The following ZCCHC7 variants were observed in gnomAD, a reference collection of about 807,000 sequenced individuals.
ZCCHC7 encodes the protein zinc finger CCHC domain-containing protein 7.
A neutral mutation model predicts 52.0 loss-of-function variants in ZCCHC7; 35 were observed. That is an observed-to-expected ratio of 0.67 (90% CI 0.51 to 0.89). ZCCHC7 has a LOEUF of 0.89. ZCCHC7 is among the 40% of genes least tolerant of loss of function. The probability of loss-of-function intolerance (pLI) is 0.00; values close to 1 mark genes in which losing one functional copy is unlikely to be tolerated. For missense variants in ZCCHC7, 574 were observed against 649.1 expected (o/e 0.88, Z 1.26); for synonymous variants, 217 against 221.5 (o/e 0.98, Z 0.18).
At position 37,126,119 on chromosome 9, in the gene ZCCHC7, G is replaced by A. The variant is rs73646324; in HGVS notation, c.-21-193G>A. On this transcript the variant is annotated intron_variant, in intron 1 of 8. Coordinates refer to ENST00000336755, the MANE Select transcript of ZCCHC7 (RefSeq NM_032226.3). ...CAATTTGTCAGTAGTAATTCTCGTTGGGGAGTGGTGGGACTTACAGGAGTG... is the reference window on the plus strand; with the variant it reads ...CAATTTGTCAGTAGTAATTCTCGTTAGGGAGTGGTGGGACTTACAGGAGTG... Among the ~76,000 whole-genome samples the A allele has an allele frequency of 6.4e-3, 971 of 152,268 alleles. 6 individuals carry two copies. The highest frequency in any genetic ancestry group is 0.022 in the African/African-American group (919 of 41,532).
Position 37,358,041 on chromosome 9 carries a change from A to G in ZCCHC7, c.*773A>G, listed in dbSNP as rs1469379087. 6.6e-6 allele frequency: 1 copy of G among 152,036 alleles called. No homozygotes were observed. The highest frequency in any genetic ancestry group is 2.4e-5 in the African/African-American group (1 of 41,392). 9.4% of individuals were successfully genotyped at this position (152,036 alleles called of 1,614,324 possible). ...TCAAAAAATTTTTTTGTTCTCTTGCATTTTTTTCAACTACCGCAAAGCTAT... is the reference window on the plus strand; with the variant it reads ...TCAAAAAATTTTTTTGTTCTCTTGCGTTTTTTTCAACTACCGCAAAGCTAT... On this transcript the variant is annotated 3_prime_UTR_variant, in exon 9 of 9. Transcript: ENST00000336755.
At chr9:37,300,990 C>CT (rs918122120) in intron 2 of ZCCHC7, among the ~76,000 whole-genome samples, 5 of 151,892 alleles carry the variant, frequency 3.3e-5, no homozygotes, top group African/African-American at 4.8e-5. Flanking sequence ...ATTTGGCCTC[C>CT]TTTTTTTTCT....
At chr9:37,147,094 A>C (rs1399556566) in intron 2 of ZCCHC7, among the ~76,000 whole-genome samples, 1 of 151,932 alleles carries the variant, frequency 6.6e-6, no homozygotes. Flanking sequence ...TTTCTATAGT[A>C]TCTTTCATAT....
intron 5 of ZCCHC7, among the ~76,000 whole-genome samples, chr9:37,307,112 G>A (rs944578550): frequency 6.6e-6 from 1 of 151,624 alleles, no homozygotes; most frequent in South Asian, 2.1e-4. Context: ...TGATTTTGCT[G>A]GTCTAATAGT....
At chr9:37,177,673 C>T (rs1209920520) in intron 2 of ZCCHC7, among the ~76,000 whole-genome samples, 1 of 152,084 alleles carries the variant, frequency 6.6e-6, no homozygotes, top group Non-Finnish European at 1.5e-5. Context: ...AAAGATCAGT[C>T]ACATTGATAG....
At chr9:37,268,061 C>T (rs1453655438) in intron 2 of ZCCHC7, among the ~76,000 whole-genome samples, 1 of 152,122 alleles carries the variant, frequency 6.6e-6, no homozygotes, top group Non-Finnish European at 1.5e-5. Context: ...TCTCTAAGCC[C>T]TATTAGCATT....
chr9:37,283,361 T>G (rs929503067), intron 2 of ZCCHC7, among the ~76,000 whole-genome samples: 1 of 152,174 alleles, frequency 6.6e-6, no homozygotes, highest in African/African-American at 2.4e-5. Context: ...TTTCTGTATT[T>G]TTGCTCCATA....
rs1469559352 is a variant in ZCCHC7, at chr9:37,357,277, G to A, written c.*9G>A. ...GAAAAAAAAAGTCTTAAGCCGTCAG[G>A]CAGCCTCTGATGTGGCTTTTCATTG... On this transcript the variant is annotated 3_prime_UTR_variant, in exon 9 of 9. Transcript: ENST00000336755. The A allele has an allele frequency of 6.3e-7, 1 of 1,580,012 alleles. No homozygotes were observed. The highest frequency in any genetic ancestry group is 1.9e-5 in the Admixed American group (1 of 53,300).
intron 6 of ZCCHC7, among the ~76,000 whole-genome samples, chr9:37,338,556 A>G (rs1830788493): frequency 6.6e-6 from 1 of 152,178 alleles, no homozygotes; most frequent in African/African-American, 2.4e-5. Flanking sequence ...GTAGGGAGGA[A>G]GTTACAGAGA....
rs147036804 is a variant in ZCCHC7, at chr9:37,212,088, G to C, written c.610+85146G>C. On this transcript the variant is annotated intron_variant, in intron 2 of 8. Coordinates refer to ENST00000336755, the MANE Select transcript of ZCCHC7 (RefSeq NM_032226.3). ...AAAGAAAATCTTTGGCAAAATCACT[G>C]GGGATGATTTTACCTCCCAGGATCA... is the stretch of plus-strand genomic sequence containing the variant. 1.1e-3 allele frequency among the ~76,000 whole-genome samples: 150 copies of C among 139,074 alleles called. 1 individual carries two copies. Among genetic ancestry groups the C allele is most frequent in the African/African-American group, 3.8e-3 (148 of 38,642 alleles). 91.2% of individuals were successfully genotyped at this position (139,074 alleles called of 152,430 possible). A position where few individuals can be genotyped will look rare whatever the true frequency, so the allele number is the denominator to read the frequency against.
In ZCCHC7 at chr9:37,172,077, C is replaced by G. The variant is rs552367316; in HGVS notation, c.610+45135C>G. Among the ~76,000 whole-genome samples the G allele has an allele frequency of 2.0e-5, 3 of 152,144 alleles. No homozygotes were observed. In the East Asian group the frequency reaches 5.8e-4, roughly 29 times the overall value. ...TATGGGACCTGTGTCTCTTAAAGTT[C>G]TAATGTACTTTCTTCAGCTACCAAA... On this transcript the variant is annotated intron_variant, in intron 2 of 8. Coordinates refer to ENST00000336755, the MANE Select transcript of ZCCHC7 (RefSeq NM_032226.3).
intron 2 of ZCCHC7, among the ~76,000 whole-genome samples, chr9:37,294,940 C>T (rs1828713861): frequency 1.3e-5 from 2 of 152,126 alleles, no homozygotes; most frequent in Admixed American, 1.3e-4. Flanking sequence ...GGAGAATTTA[C>T]TTCTACTACT....
intron 2 of ZCCHC7, among the ~76,000 whole-genome samples, chr9:37,175,043 C>T (rs891745169): frequency 6.6e-6 from 1 of 151,060 alleles, no homozygotes; most frequent in Non-Finnish European, 1.5e-5. Context: ...GGCTGAGGCA[C>T]GAGAATTGCG....
chr9:37,295,627 G>A (rs1828751228), intron 2 of ZCCHC7, among the ~76,000 whole-genome samples: 1 of 152,126 alleles, frequency 6.6e-6, no homozygotes, highest in Non-Finnish European at 1.5e-5. Flanking sequence ...GAGAACCTGA[G>A]TTGAGCTTTC....
At chr9:37,310,018 T>C (rs1829519964) in intron 5 of ZCCHC7, among the ~76,000 whole-genome samples, 1 of 152,170 alleles carries the variant, frequency 6.6e-6, no homozygotes, top group African/African-American at 2.4e-5. Flanking sequence ...ACCAGATATA[T>C]GTATGCAAAG....
intron 2 of ZCCHC7, among the ~76,000 whole-genome samples, chr9:37,258,239 C>T (rs1826686634): frequency 6.6e-6 from 1 of 152,094 alleles, no homozygotes; most frequent in Non-Finnish European, 1.5e-5. Context: ...TTTACATCAG[C>T]GCCTCCTCTC....
At chr9:37,161,839 G>A (rs558357648) in intron 2 of ZCCHC7, among the ~76,000 whole-genome samples, 2 of 152,274 alleles carry the variant, frequency 1.3e-5, no homozygotes, top group South Asian at 2.1e-4. Context: ...CTTGAAGACC[G>A]TGGCATGGCA....
chr9:37,170,548 G>A (rs939215047), intron 2 of ZCCHC7, among the ~76,000 whole-genome samples: 2 of 152,154 alleles, frequency 1.3e-5, no homozygotes, highest in African/African-American at 2.4e-5. Flanking sequence ...GGACTGGTAC[G>A]CATTTTTGTT....
intron 2 of ZCCHC7, among the ~76,000 whole-genome samples, chr9:37,128,084 A>C (rs890822224): frequency 6.6e-6 from 1 of 152,216 alleles, no homozygotes; most frequent in Admixed American, 6.5e-5. Context: ...AGTTTTTTCC[A>C]TATAGGTGAG....
Sources: allele counts gnomAD v4.1 joint callset (sites outside exome capture counted in the v4.1 genomes callset), GRCh38; gene constraint gnomAD v4.1.1; transcripts MANE v1.5; gene names NCBI Gene and HGNC (gene_info 2026-07-23, HGNC 2026-07-21).